SCHIP1: variants seen among roughly 807,000 people sequenced by gnomAD.
SCHIP1 encodes the protein schwannomin interacting protein 1.
SCHIP1 carries 8 observed loss-of-function variants against 29.7 expected under a neutral mutation model. That is an observed-to-expected ratio of 0.27 (90% CI 0.16 to 0.49). The LOEUF (loss-of-function observed/expected upper bound fraction) is 0.49, where lower values mean the gene tolerates loss of function less well. Among genes scored for constraint, SCHIP1 ranks in the 20% least tolerant of loss-of-function variants. The pLI, the probability that SCHIP1 is intolerant of heterozygous loss-of-function variation, is 0.99. For synonymous variants in SCHIP1, 76 were observed against 94.9 expected, an observed-to-expected ratio of 0.80 and a Z score of 1.16; for missense variants, 193 against 294.6, an observed-to-expected ratio of 0.66 and a Z score of 2.52.
the SCHIP1 span, among the ~76,000 whole-genome samples, chr3:159,651,437 T>C: frequency 1.3e-5 from 2 of 152,316 alleles, no homozygotes; most frequent in East Asian, 3.9e-4. Flanking sequence ...GCAAAGCTCC[T>C]GGAAGCCTTT....
the SCHIP1 span, among the ~76,000 whole-genome samples, chr3:159,757,666 C>A: frequency 6.6e-6 from 1 of 152,204 alleles, no homozygotes; most frequent in African/African-American, 2.4e-5. Flanking sequence ...AAGGCTCAGA[C>A]AATTTCATAC....
At chr3:159,419,582 G>A in the SCHIP1 span, among the ~76,000 whole-genome samples, 71 of 152,180 alleles carry the variant, frequency 4.7e-4, no homozygotes, top group African/African-American at 1.6e-3. Flanking sequence ...GCCAAGGCAG[G>A]TAGATCACCT....
At chr3:159,808,447 G>C in the SCHIP1 span, 1 of 152,262 alleles carries the variant, frequency 6.6e-6, no homozygotes, top group Non-Finnish European at 1.5e-5. Flanking sequence ...TGAGCTATTA[G>C]ATGGGGCTTC....
chr3:159,493,936 G>A, the SCHIP1 span, among the ~76,000 whole-genome samples: 3 of 151,700 alleles, frequency 2.0e-5, no homozygotes, highest in Non-Finnish European at 4.4e-5. Flanking sequence ...CTAGAACTCA[G>A]GATTAAGAAA....
the SCHIP1 span, among the ~76,000 whole-genome samples, chr3:159,543,364 C>A: frequency 2.9e-4 from 31 of 105,416 alleles, no homozygotes; most frequent in African/African-American, 9.2e-4. Context: ...CCCCCCTCCC[C>A]CCTCCCCCCA....
At chr3:159,633,417 T>A in the SCHIP1 span, among the ~76,000 whole-genome samples, 1 of 151,162 alleles carries the variant, frequency 6.6e-6, no homozygotes, top group African/African-American at 2.4e-5. Context: ...TAAATGGAGG[T>A]GGGAGAGAGA....
the SCHIP1 span, among the ~76,000 whole-genome samples, chr3:159,325,415 T>C: frequency 6.6e-6 from 1 of 152,136 alleles, no homozygotes; most frequent in Non-Finnish European, 1.5e-5. Context: ...AGGTTATACA[T>C]ACACATACAC....
chr3:159,787,341 G>T, the SCHIP1 span, among the ~76,000 whole-genome samples: 1 of 152,122 alleles, frequency 6.6e-6, no homozygotes, highest in Admixed American at 6.5e-5. Context: ...ATCTCCCTCG[G>T]CTTTTTCCAT....
chr3:159,792,490 A>G, the SCHIP1 span, among the ~76,000 whole-genome samples: 1 of 152,234 alleles, frequency 6.6e-6, no homozygotes, highest in African/African-American at 2.4e-5. Flanking sequence ...TGTTGTTATT[A>G]TTTTGATAAT....
the SCHIP1 span, among the ~76,000 whole-genome samples, chr3:159,707,932 C>G: frequency 6.6e-6 from 1 of 152,202 alleles, no homozygotes; most frequent in African/African-American, 2.4e-5. Context: ...ACTCTCTTCT[C>G]TCTGGTATTT....
chr3:159,864,514 C>T (rs994764086), intron 1 of SCHIP1, among the ~76,000 whole-genome samples: 7 of 144,770 alleles, frequency 4.8e-5, no homozygotes, highest in Admixed American at 2.1e-4. Context: ...CACACACACA[C>T]ATATGCTAGC....
At chr3:159,506,563 T>A in the SCHIP1 span, among the ~76,000 whole-genome samples, 3 of 152,350 alleles carry the variant, frequency 2.0e-5, no homozygotes, top group Middle Eastern at 3.4e-3. Flanking sequence ...CTAAATGGTA[T>A]TGCCTAGGTT....
At chr3:159,436,193 A>G in the SCHIP1 span, among the ~76,000 whole-genome samples, 1 of 152,186 alleles carries the variant, frequency 6.6e-6, no homozygotes, top group South Asian at 2.1e-4. Context: ...ACACCCATGC[A>G]CACTCTTGCA....
At chr3:159,856,631 G>A (rs144555006) in intron 1 of SCHIP1, among the ~76,000 whole-genome samples, 58 of 152,308 alleles carry the variant, frequency 3.8e-4, no homozygotes, top group African/African-American at 1.4e-3. Flanking sequence ...CAGAATCAGG[G>A]AGCTGACAGC....
the SCHIP1 span, among the ~76,000 whole-genome samples, chr3:159,830,209 A>C: frequency 6.6e-6 from 1 of 152,222 alleles, no homozygotes; most frequent in Non-Finnish European, 1.5e-5. Context: ...TAAGATTATA[A>C]CTGACATCTA....
At chr3:159,579,900 G>A in the SCHIP1 span, among the ~76,000 whole-genome samples, 1 of 152,070 alleles carries the variant, frequency 6.6e-6, no homozygotes, top group Non-Finnish European at 1.5e-5. Flanking sequence ...CACAGAAACT[G>A]AGGGCAAGGG....
the SCHIP1 span, among the ~76,000 whole-genome samples, chr3:159,440,372 C>A: frequency 2.6e-5 from 4 of 151,970 alleles, no homozygotes; most frequent in Admixed American, 1.3e-4. Flanking sequence ...CCTTTTTCTG[C>A]GGTCATTTTT....
the SCHIP1 span, among the ~76,000 whole-genome samples, chr3:159,551,136 A>AATTT: frequency 1.3e-5 from 2 of 152,166 alleles, no homozygotes; most frequent in South Asian, 4.1e-4. Context: ...TTCTGGGGAG[A>AATTT]GGTTCTAAAG....
chr3:159,847,726 A>G (rs897488121), intron 1 of SCHIP1, among the ~76,000 whole-genome samples: 12 of 152,072 alleles, frequency 7.9e-5, no homozygotes, highest in African/African-American at 9.6e-5. Context: ...TACTCTGTCT[A>G]CTCCCAGCAC....
Sources: allele counts gnomAD v4.1 joint callset (sites outside exome capture counted in the v4.1 genomes callset), GRCh38; gene constraint gnomAD v4.1.1; transcripts MANE v1.5; gene names NCBI Gene and HGNC (gene_info 2026-07-23, HGNC 2026-07-21).